Variants in DCDC1 observed in about 807,000 individuals in gnomAD.
The protein encoded by DCDC1 is doublecortin domain-containing protein 1.
Under a neutral mutation model 178.3 loss-of-function variants are expected in DCDC1, and 200 were observed. The observed-to-expected ratio is 1.12, with a 90% CI of 1.00 to 1.26. DCDC1 has a LOEUF of 1.26. Among genes scored for constraint, DCDC1 ranks in the 50% most tolerant of loss-of-function variants. The probability of loss-of-function intolerance (pLI) is 0.00; values close to 1 mark genes in which losing one functional copy is unlikely to be tolerated. For synonymous variants in DCDC1, 690 were observed against 604.8 expected (o/e 1.14, Z -2.07); for missense variants, 1,983 against 1,749.2 (o/e 1.13, Z -2.38).
chr11:31,039,210 T>C (rs1954278142), intron 20 of DCDC1, among the ~76,000 whole-genome samples: 1 of 152,168 alleles, frequency 6.6e-6, no homozygotes, highest in African/African-American at 2.4e-5. Flanking sequence ...CTACTAAACC[T>C]TACACATTAG....
chr11:31,212,745 G>C (rs900953719), intron 9 of DCDC1, among the ~76,000 whole-genome samples: 1 of 151,980 alleles, frequency 6.6e-6, no homozygotes, highest in Non-Finnish European at 1.5e-5. Flanking sequence ...GAAATATCTG[G>C]GGAAAAAATA....
At chr11:30,878,197 A>C (rs989547913) in intron 38 of DCDC1, among the ~76,000 whole-genome samples, 8 of 152,148 alleles carry the variant, frequency 5.3e-5, no homozygotes, top group Admixed American at 5.2e-4. Context: ...TCATGCCTAC[A>C]ATCCCAGCAC....
Position 30,903,482 on chromosome 11 carries a change from C to G in DCDC1, c.4510G>C (p.Glu1504Gln), listed in dbSNP as rs1457818326. The G allele has an allele frequency of 6.3e-7, 1 of 1,589,704 alleles. No homozygotes were observed. Among genetic ancestry groups the G allele is most frequent in the African/African-American group, 1.3e-5 (1 of 74,604 alleles). The change falls in exon 32 of 39, where the codon GAA becomes CAA. Residue 1504 changes from glutamate to glutamine, a missense_variant and splice_region_variant. Physicochemically the swap from Glu to Gln is conservative, Grantham distance 29. Transcript: ENST00000684477. ...KEQIIVESME[E>Q]NPRMKVKNRL... is the part of the protein sequence containing the mutation. ...CTAAATGCTGTAGATTGTAGCCAAC[C>G]TTCCATACTTTCAACAATTATCTGT...
intron 8 of DCDC1, among the ~76,000 whole-genome samples, chr11:31,255,638 G>A (rs780735164): frequency 5.3e-5 from 8 of 152,124 alleles, no homozygotes; most frequent in Admixed American, 1.3e-4. Flanking sequence ...TTGGGAAAAC[G>A]TTGATTCAAG....
At chr11:31,340,695 T>C (rs1393158139) in intron 1 of DCDC1, among the ~76,000 whole-genome samples, 1 of 152,164 alleles carries the variant, frequency 6.6e-6, no homozygotes, top group African/African-American at 2.4e-5. Context: ...TGACTTCCCC[T>C]GGGTAAGAAG....
intron 20 of DCDC1, among the ~76,000 whole-genome samples, chr11:30,969,983 C>T (rs554444125): frequency 3.3e-4 from 51 of 152,280 alleles, no homozygotes; most frequent in African/African-American, 1.1e-3. Context: ...TCTAATAGAT[C>T]ATCTAAGACA....
rs543334562 is a variant in DCDC1 at position 30,903,224 on chromosome 11, A to G, written c.4510+258T>C. ...TGTTCCATAAAGTAGCTGAACTGTC[A>G]AACATATTTTTATTAATTATATGCA... On this transcript the variant is annotated intron_variant, in intron 32 of 38. Coordinates refer to ENST00000684477, the MANE Select transcript of DCDC1 (RefSeq NM_001387274.1). Among the ~76,000 whole-genome samples the G allele has an allele frequency of 7.2e-5, 11 of 152,290 alleles. 1 individual carries two copies. The South Asian group carries it at 2.3e-3, about 32-fold the overall frequency.
chr11:30,941,414 G>C (rs1237004390), intron 21 of DCDC1, among the ~76,000 whole-genome samples: 1 of 152,060 alleles, frequency 6.6e-6, no homozygotes, highest in Non-Finnish European at 1.5e-5. Context: ...CTCCCCTGCT[G>C]CCCTCTCCCT....
chr11:31,168,410 G>A (rs1966859822), intron 9 of DCDC1, among the ~76,000 whole-genome samples: 3 of 152,090 alleles, frequency 2.0e-5, no homozygotes, highest in African/African-American at 7.2e-5. Flanking sequence ...TTTGATATTT[G>A]TATATTTTCT....
At position 31,204,431 on chromosome 11, in the gene DCDC1, A is replaced by G. The variant is rs1311610247; in HGVS notation, c.1221+37019T>C. ...TAAGGACAAAAAAAGATAGCCTGAA[A>G]AAAAAAAAGGGATATACATTCCATA... On this transcript the variant is annotated intron_variant, in intron 9 of 38. Coordinates refer to ENST00000684477, the MANE Select transcript of DCDC1 (RefSeq NM_001387274.1). Among the ~76,000 whole-genome samples the G allele has an allele frequency of 5.3e-5, 8 of 152,148 alleles. No individual in the cohort carries two copies. The East Asian group carries it at 5.8e-4, about 11-fold the overall frequency.
At chr11:31,100,108 CA>C (rs1490521809) in intron 15 of DCDC1, among the ~76,000 whole-genome samples, 1 of 151,764 alleles carries the variant, frequency 6.6e-6, no homozygotes, top group Non-Finnish European at 1.5e-5. Flanking sequence ...GGTGTGGTGA[CA>C]AAGAAAGGTG....
At chr11:31,142,970 G>A (rs550474720) in intron 9 of DCDC1, among the ~76,000 whole-genome samples, 87 of 152,124 alleles carry the variant, frequency 5.7e-4, no homozygotes, top group Non-Finnish European at 1.0e-3. Context: ...TCATAATTTA[G>A]AAAATCACAG....
intron 36 of DCDC1, among the ~76,000 whole-genome samples, chr11:30,887,781 G>C (rs576762418): frequency 9.9e-5 from 15 of 151,968 alleles, no homozygotes; most frequent in African/African-American, 3.6e-4. Context: ...AGGCCAAGGC[G>C]GGGGGATCAC....
chr11:31,129,305 A>T (rs1962100406), intron 10 of DCDC1, among the ~76,000 whole-genome samples: 1 of 152,108 alleles, frequency 6.6e-6, no homozygotes, highest in South Asian at 2.1e-4. Context: ...ACTTAAAATG[A>T]TTCCTATTTT....
At chr11:31,133,123 G>C (rs2135969078) in intron 10 of DCDC1, among the ~76,000 whole-genome samples, 1 of 152,292 alleles carries the variant, frequency 6.6e-6, no homozygotes, top group Middle Eastern at 3.4e-3. Flanking sequence ...GCATTTCTGA[G>C]CCATACATTG....
At chr11:30,984,712 G>C (rs1950556765) in intron 20 of DCDC1, among the ~76,000 whole-genome samples, 1 of 152,172 alleles carries the variant, frequency 6.6e-6, no homozygotes. Context: ...AGGTCAGCTG[G>C]TAAGCACAGA....
At chr11:31,122,880 T>C (rs1324879572) in intron 11 of DCDC1, among the ~76,000 whole-genome samples, 1 of 152,142 alleles carries the variant, frequency 6.6e-6, no homozygotes, top group Non-Finnish European at 1.5e-5. Flanking sequence ...TTGAATTTAA[T>C]CTGCATTGTG....
intron 1 of DCDC1, among the ~76,000 whole-genome samples, chr11:31,361,403 T>C (rs1951702023): frequency 6.6e-6 from 1 of 152,208 alleles, no homozygotes; most frequent in East Asian, 1.9e-4. Flanking sequence ...ACTCATTACA[T>C]GTCGATTACC....
intron 20 of DCDC1, among the ~76,000 whole-genome samples, chr11:30,960,990 G>A (rs1328788967): frequency 1.3e-5 from 2 of 152,032 alleles, no homozygotes; most frequent in Non-Finnish European, 2.9e-5. Context: ...TAGGGTCTCT[G>A]TTCAATATTT....
Sources: allele counts gnomAD v4.1 joint callset (sites outside exome capture counted in the v4.1 genomes callset), GRCh38; gene constraint gnomAD v4.1.1; transcripts MANE v1.5; gene names NCBI Gene and HGNC (gene_info 2026-07-23, HGNC 2026-07-21).